The following SAMD5 variants were observed in gnomAD, a reference collection of about 807,000 sequenced individuals.
SAMD5 encodes the protein sterile alpha motif domain containing 5, also known as sterile alpha motif domain-containing protein 5.
Under a neutral mutation model 11.3 loss-of-function variants are expected in SAMD5, and 13 were observed. The observed-to-expected ratio is 1.15, with a 90% confidence interval of 0.75 to 1.83. The LOEUF (loss-of-function observed/expected upper bound fraction) is 1.83. Ranked by LOEUF, SAMD5 falls within the 40% of genes most tolerant of loss-of-function variation. The pLI is 0.00. For synonymous variants in SAMD5, 129 were observed against 111.3 expected (o/e 1.16, Z -1.00); for missense variants, 255 against 239.1 (o/e 1.07, Z -0.44).
chr6:147,698,648 C>T (rs1791212367), intron 1 of SAMD5, among the ~76,000 whole-genome samples: 1 of 152,188 alleles, frequency 6.6e-6, no homozygotes, highest in South Asian at 2.1e-4. Context: ...AAAGGATCTA[C>T]CATGTCCCCA....
the SAMD5 span, among the ~76,000 whole-genome samples, chr6:147,878,629 A>G: frequency 6.8e-6 from 1 of 148,144 alleles, no homozygotes; most frequent in African/African-American, 2.5e-5. Context: ...ATGTATATAT[A>G]TCTATATATT....
the SAMD5 span, among the ~76,000 whole-genome samples, chr6:147,854,257 G>A: frequency 6.6e-6 from 1 of 152,094 alleles, no homozygotes; most frequent in Non-Finnish European, 1.5e-5. Flanking sequence ...ACTGTTCTTG[G>A]GCAGGTAAGA....
intron 1 of SAMD5, among the ~76,000 whole-genome samples, chr6:147,695,465 C>G (rs1476510316): frequency 6.6e-6 from 1 of 152,038 alleles, no homozygotes; most frequent in African/African-American, 2.4e-5. Context: ...GAATGCAGGC[C>G]TAGCATATTA....
chr6:147,652,716 C>T (rs1368337621), intron 1 of SAMD5, among the ~76,000 whole-genome samples: 1 of 152,276 alleles, frequency 6.6e-6, no homozygotes, highest in African/African-American at 2.4e-5. Context: ...GTTTATTATC[C>T]TACAGTCAAG....
At chr6:147,869,147 C>T in the SAMD5 span, among the ~76,000 whole-genome samples, 1 of 152,182 alleles carries the variant, frequency 6.6e-6, no homozygotes, top group East Asian at 1.9e-4. Context: ...AAAGAAATTT[C>T]TCTGATTAAG....
At chr6:147,528,162 C>T (rs530034256) in intron 1 of SAMD5, among the ~76,000 whole-genome samples, 1 of 152,230 alleles carries the variant, frequency 6.6e-6, no homozygotes, top group South Asian at 2.1e-4. Flanking sequence ...TCACTGGGGA[C>T]ACAGATCCAA....
chr6:147,540,800 T>G (rs1788588571), intron 1 of SAMD5, among the ~76,000 whole-genome samples: 1 of 151,968 alleles, frequency 6.6e-6, no homozygotes, highest in African/African-American at 2.4e-5. Context: ...GAAACTTGGC[T>G]GGTAGGAATT....
chr6:147,582,273 G>A (rs527591877), intron 1 of SAMD5, among the ~76,000 whole-genome samples: 64 of 151,832 alleles, frequency 4.2e-4, no homozygotes, highest in African/African-American at 8.2e-4. Flanking sequence ...AGGCTGAGGC[G>A]GGAGAATCAC....
At chr6:147,555,802 G>A (rs547931629) in intron 1 of SAMD5, among the ~76,000 whole-genome samples, 18 of 152,192 alleles carry the variant, frequency 1.2e-4, no homozygotes, top group South Asian at 8.3e-4. Context: ...AGAAACCGCC[G>A]CTTGTCAAGT....
At chr6:147,773,938 G>GC in the SAMD5 span, among the ~76,000 whole-genome samples, 63 of 152,226 alleles carry the variant, frequency 4.1e-4, no homozygotes, top group East Asian at 8.9e-3. Context: ...GACCTCCCAG[G>GC]CTCAGGTTAT....
At chr6:147,659,294 C>A (rs927898825) in intron 1 of SAMD5, among the ~76,000 whole-genome samples, 2 of 151,884 alleles carry the variant, frequency 1.3e-5, no homozygotes, top group African/African-American at 4.8e-5. Flanking sequence ...TTGAATGTGG[C>A]AGGGAAATTT....
At chr6:147,837,128 T>A in the SAMD5 span, among the ~76,000 whole-genome samples, 1 of 152,200 alleles carries the variant, frequency 6.6e-6, no homozygotes, top group Admixed American at 6.5e-5. Context: ...ATTATTTTCT[T>A]GTATTGTGGT....
intron 1 of SAMD5, among the ~76,000 whole-genome samples, chr6:147,633,515 G>T (rs527316545): frequency 9.2e-5 from 14 of 152,152 alleles, no homozygotes; most frequent in African/African-American, 3.4e-4. Context: ...ATAGCCTGAG[G>T]GAGGAAGCTT....
chr6:147,535,629 A>T (rs1788497529), intron 1 of SAMD5, among the ~76,000 whole-genome samples: 1 of 152,228 alleles, frequency 6.6e-6, no homozygotes, highest in African/African-American at 2.4e-5. Context: ...CATGAAGTGT[A>T]GCAAGAATGA....
the SAMD5 span, among the ~76,000 whole-genome samples, chr6:147,951,331 A>T: frequency 6.6e-6 from 1 of 151,700 alleles, no homozygotes; most frequent in South Asian, 2.1e-4. Flanking sequence ...ACAGGAGCCC[A>T]CCAACACGCC....
At chr6:147,916,006 G>T in the SAMD5 span, among the ~76,000 whole-genome samples, 2 of 150,290 alleles carry the variant, frequency 1.3e-5, no homozygotes, top group African/African-American at 2.5e-5. Flanking sequence ...GCGGTGTTTG[G>T]TTTTTTTGTC....
the SAMD5 span, among the ~76,000 whole-genome samples, chr6:147,835,150 T>C: frequency 4.0e-5 from 6 of 149,816 alleles, no homozygotes; most frequent in Non-Finnish European, 7.4e-5. Context: ...GGAGAATCAC[T>C]TGAACCTGGG....
intron 1 of SAMD5, among the ~76,000 whole-genome samples, chr6:147,575,223 T>C (rs1789201695): frequency 6.6e-6 from 1 of 152,248 alleles, no homozygotes; most frequent in African/African-American, 2.4e-5. Context: ...CCTCACAGGT[T>C]CTCTGGCCCA....
intron 1 of SAMD5, among the ~76,000 whole-genome samples, chr6:147,696,382 G>T (rs1219591416): frequency 1.3e-5 from 2 of 152,188 alleles, no homozygotes; most frequent in Non-Finnish European, 2.9e-5. Context: ...CAGATGTAGA[G>T]AATGACAGTA....
Sources: gnomAD v4.1 joint callset for allele counts (sites outside exome capture counted in the v4.1 genomes callset) on GRCh38, gnomAD v4.1.1 for gene constraint, MANE v1.5 for transcripts, NCBI Gene and HGNC (gene_info 2026-07-23, HGNC 2026-07-21) for gene names.